ZNF385B: variants seen among roughly 807,000 people sequenced by gnomAD.
The protein encoded by ZNF385B is zinc finger protein 385B, also known as zinc finger protein 533.
A neutral mutation model predicts 39.2 loss-of-function variants in ZNF385B; 23 were observed. The ratio of observed to expected loss-of-function variants is 0.59; its 90% CI spans 0.42 to 0.83. The LOEUF (loss-of-function observed/expected upper bound fraction) is 0.83, where lower values mean the gene tolerates loss of function less well. Among genes scored for constraint, ZNF385B ranks in the 40% least tolerant of loss-of-function variants. The pLI is 0.00. For synonymous variants in ZNF385B, 205 were observed against 222.6 expected (o/e 0.92, Z 0.70); for missense variants, 552 against 598.9 (o/e 0.92, Z 0.82).
intron 3 of ZNF385B, among the ~76,000 whole-genome samples, chr2:179,735,563 C>T (rs1479213609): frequency 2.1e-5 from 3 of 141,390 alleles, no homozygotes; most frequent in African/African-American, 7.8e-5. Context: ...AATCATGCTG[C>T]TATAAAGACA....
chr2:179,707,898 G>A (rs1372647267), intron 3 of ZNF385B, among the ~76,000 whole-genome samples: 1 of 152,196 alleles, frequency 6.6e-6, no homozygotes, highest in Non-Finnish European at 1.5e-5. Context: ...CAGAACAGTG[G>A]ATCGCTAAGG....
intron 1 of ZNF385B, among the ~76,000 whole-genome samples, chr2:179,800,303 T>C (rs1408976814): frequency 2.0e-5 from 3 of 152,056 alleles, no homozygotes; most frequent in African/African-American, 7.2e-5. Flanking sequence ...TGAAAAGTGA[T>C]TCTGCAAATA....
rs145212330 is a variant in ZNF385B, at chr2:179,736,302, A to G, written c.298+33201T>C. 4.1e-3 allele frequency among the ~76,000 whole-genome samples: 617 copies of G among 152,284 alleles called. 8 individuals carry two copies. The highest frequency in any genetic ancestry group is 0.014 in the African/African-American group (585 of 41,570). ...GCTTACAACTTTGTCTAAAAAATAA[A>G]TAATGGGACTTTTTTTTCTCTATCA... On this transcript the variant is annotated intron_variant, in intron 3 of 9. Coordinates refer to ENST00000410066, the MANE Select transcript of ZNF385B (RefSeq NM_152520.6).
chr2:179,640,706 A>G (rs1692188505), intron 3 of ZNF385B, among the ~76,000 whole-genome samples: 2 of 152,250 alleles, frequency 1.3e-5, no homozygotes, highest in Admixed American at 1.3e-4. Flanking sequence ...GAAACAGCTT[A>G]TGGGGAGCAG....
intron 3 of ZNF385B, among the ~76,000 whole-genome samples, chr2:179,630,406 C>A (rs539369553): frequency 2.0e-5 from 3 of 152,282 alleles, no homozygotes; most frequent in African/African-American, 7.2e-5. Flanking sequence ...CCAGCAAATG[C>A]CAACAGATCT....
At chr2:179,801,167 T>C (rs961193835) in intron 1 of ZNF385B, among the ~76,000 whole-genome samples, 3 of 152,092 alleles carry the variant, frequency 2.0e-5, no homozygotes, top group East Asian at 1.9e-4. Context: ...GAGGCAAATA[T>C]AGGCACTTTT....
chr2:179,466,983 G>A (rs2052115569), intron 6 of ZNF385B, among the ~76,000 whole-genome samples: 1 of 149,374 alleles, frequency 6.7e-6, no homozygotes, highest in African/African-American at 2.5e-5. Context: ...GGGAGGGGAG[G>A]GGAAGGGAGG....
intron 1 of ZNF385B, among the ~76,000 whole-genome samples, chr2:179,794,028 CTG>C (rs1238000524): frequency 1.3e-5 from 2 of 152,206 alleles, no homozygotes; most frequent in African/African-American, 4.8e-5. Context: ...TGGAGTGAGA[CTG>C]TTTTCTAGTT....
rs554624969 is a variant in ZNF385B, at chr2:179,674,266, T to C, written c.298+95237A>G. 2.6e-5 allele frequency among the ~76,000 whole-genome samples: 4 copies of C among 152,326 alleles called. No homozygotes were observed. In the South Asian group the frequency reaches 8.3e-4, roughly 32 times the overall value. On this transcript the variant is annotated intron_variant, in intron 3 of 9. Transcript: ENST00000410066. ...ATTCCTGCTCTCATGGAGCTTTTAA[T>C]GTAGTGAAGGAGACGGATTATTATT...
chr2:179,812,461 T>TA (rs1706796622), intron 1 of ZNF385B, among the ~76,000 whole-genome samples: 1 of 152,072 alleles, frequency 6.6e-6, no homozygotes, highest in South Asian at 2.1e-4. Context: ...TATGTGGCCA[T>TA]AAAAAAGGAA....
chr2:179,614,260 G>T (rs1056717867), intron 3 of ZNF385B, among the ~76,000 whole-genome samples: 2 of 152,040 alleles, frequency 1.3e-5, no homozygotes, highest in African/African-American at 4.8e-5. Context: ...CCTGTGGGGA[G>T]AGCAACTGAC....
rs16866971 is a variant in ZNF385B, at chr2:179,741,237, T to C, written c.298+28266A>G. ...TACTCCAAATATGTTGTCCATATTA[T>C]TTGTTAATCAACTGCAGGTTCTCCT... On this transcript the variant is annotated intron_variant, in intron 3 of 9. Coordinates refer to ENST00000410066, the MANE Select transcript of ZNF385B (RefSeq NM_152520.6). Among the ~76,000 whole-genome samples, 2,654 of 152,246 alleles carry C rather than the reference T, an allele frequency of 0.017. 165 individuals carry two copies. The East Asian group carries it at 0.25, about 14-fold the overall frequency.
chr2:179,632,806 C>T (rs550938512), intron 3 of ZNF385B, among the ~76,000 whole-genome samples: 1 of 152,080 alleles, frequency 6.6e-6, no homozygotes, highest in South Asian at 2.1e-4. Flanking sequence ...AGACCACTAG[C>T]AAGACTAATA....
chr2:179,561,470 T>G (rs903113588), intron 3 of ZNF385B, among the ~76,000 whole-genome samples: 26 of 152,072 alleles, frequency 1.7e-4, no homozygotes, highest in Admixed American at 6.6e-4. Context: ...ATGAATAAGA[T>G]AGAATAAAAG....
At chr2:179,499,344 A>T (rs984100897) in intron 5 of ZNF385B, among the ~76,000 whole-genome samples, 3 of 151,972 alleles carry the variant, frequency 2.0e-5, no homozygotes, top group Admixed American at 1.3e-4. Context: ...ACAAAGACAT[A>T]AAAAAATTGT....
chr2:179,448,570 C>T (rs1036251245), intron 6 of ZNF385B, among the ~76,000 whole-genome samples: 2 of 152,070 alleles, frequency 1.3e-5, no homozygotes, highest in Admixed American at 6.6e-5. Flanking sequence ...TAGAACTTTA[C>T]AGTTTACAAA....
At chr2:179,814,394 C>A in intron 1 of ZNF385B, 1 of 404,196 alleles carries the variant, frequency 2.5e-6, no homozygotes. Flanking sequence ...TGTACAGCAT[C>A]ATTGAGAAGG....
chr2:179,757,601 G>A (rs559265045), intron 3 of ZNF385B, among the ~76,000 whole-genome samples: 27 of 152,286 alleles, frequency 1.8e-4, no homozygotes, highest in South Asian at 2.1e-4. Flanking sequence ...GAACTGCAGC[G>A]GGCTCCACCC....
chr2:179,563,729 C>A (rs1045793675), intron 3 of ZNF385B, among the ~76,000 whole-genome samples: 3 of 152,080 alleles, frequency 2.0e-5, no homozygotes, highest in Admixed American at 2.0e-4. Context: ...ATACTTACTT[C>A]CCCCCAAATA....
Sources: gnomAD v4.1 joint callset for allele counts (sites outside exome capture counted in the v4.1 genomes callset) on GRCh38, gnomAD v4.1.1 for gene constraint, MANE v1.5 for transcripts, NCBI Gene and HGNC (gene_info 2026-07-23, HGNC 2026-07-21) for gene names.